INF2: variants seen among roughly 807,000 people sequenced by gnomAD.
INF2 encodes inverted formin 2.
In INF2, 43 loss-of-function variants were observed where a neutral mutation model predicts 123.5. The ratio of observed to expected loss-of-function variants is 0.35; its 90% CI spans 0.27 to 0.45. INF2 has a LOEUF of 0.45. Among genes scored for constraint, INF2 ranks in the 20% least tolerant of loss-of-function variants. The pLI is 1.00. For synonymous variants in INF2, 851 were observed against 745.0 expected (o/e 1.14, Z -2.32); for missense variants, 1,453 against 1,682.7 (o/e 0.86, Z 2.39).
At chr14:104,700,852 A>G in intron 1 of INF2, 1 of 985,290 alleles carries the variant, frequency 1.0e-6, no homozygotes, top group Non-Finnish European at 1.2e-6. Flanking sequence ...TGGGCACCCC[A>G]GGCATGCCTG....
In INF2 at chr14:104,699,435, C is replaced by T; in HGVS notation, c.-9-1922C>T. ...ATGGTGGTGGGAGCAACCCTACTGC[C>T]ACCAGGAGGGGCGTTGGGGACCTGA... is the stretch of plus-strand genomic sequence containing the variant. On this transcript the variant is annotated intron_variant, in intron 1 of 22. Coordinates refer to ENST00000392634, the MANE Select transcript of INF2 (RefSeq NM_022489.4). The surrounding 1 kb of genome is among the most constrained non-coding windows in gnomAD (Gnocchi z 4.7). The T allele has an allele frequency of 1.0e-6, 1 of 985,342 alleles. No homozygotes were observed. The highest frequency in any genetic ancestry group is 1.7e-5 in the African/African-American group (1 of 57,324). The allele number at this position is 985,342 out of a possible 1,614,324, so 61.0% of individuals were successfully genotyped here.
intron 8 of INF2, 123 bp downstream of exon 8, chr14:104,708,125 C>A: frequency 2.0e-6 from 3 of 1,466,290 alleles, no homozygotes; most frequent in Non-Finnish European, 1.8e-6. Flanking sequence ...GCCAGGGCAG[C>A]CTGGCCCTTG....
intron 22 of INF2, among the ~76,000 whole-genome samples, chr14:104,717,412 A>G (rs4983381): frequency 0.88 from 134,573 of 152,166 alleles, 59,766 homozygotes; most frequent in African/African-American, 0.95. Flanking sequence ...TCACGTCCAC[A>G]TGCTTCTAAT....
intron 2 of INF2, among the ~76,000 whole-genome samples, chr14:104,702,420 T>C (rs914818890): frequency 2.0e-5 from 3 of 152,196 alleles, no homozygotes; most frequent in Non-Finnish European, 4.4e-5. Flanking sequence ...CTCCAGGAAG[T>C]CTCCCCAGGC....
chr14:104,697,875 C>G (rs947582490), intron 1 of INF2, among the ~76,000 whole-genome samples: 3 of 151,284 alleles, frequency 2.0e-5, no homozygotes, highest in African/African-American at 7.4e-5. Flanking sequence ...TCCATTGGTG[C>G]TGGTGGACTG....
chr14:104,709,994 C>A, intron 12 of INF2, 94 bp from the exon 13 acceptor site: 1 of 1,124,872 alleles, frequency 8.9e-7, no homozygotes, highest in Non-Finnish European at 1.3e-6. Context: ...CCTCCCTTTG[C>A]CCACCACCCA....
chr14:104,697,331 A>T lies in INF2; in HGVS notation c.-9-4026A>T, dbSNP rs1445354518. 2.0e-5 allele frequency among the ~76,000 whole-genome samples: 3 copies of T among 152,160 alleles called. No individual in the cohort carries two copies. The East Asian group carries it at 5.8e-4, about 29-fold the overall frequency. ...TGGCTCAGGTCCCTCGCGTGCTGGG[A>T]TTCAAGTCTGGGTACCCTAACCCTG... is the stretch of plus-strand genomic sequence containing the variant. On this transcript the variant is annotated intron_variant, in intron 1 of 22. Coordinates refer to ENST00000392634, the MANE Select transcript of INF2 (RefSeq NM_022489.4).
At position 104,713,440 on chromosome 14, in the gene INF2, CTCAG is replaced by C; in HGVS notation, c.2879_2882del. 1 of 1,609,334 alleles carries C rather than the reference CTCAG, an allele frequency of 6.2e-7. No individual in the cohort carries two copies. The highest frequency in any genetic ancestry group is 8.5e-7 in the Non-Finnish European group (1 of 1,178,514). The stretch of plus-strand genomic sequence containing the variant: ...GCCGCTCTCTGAGTGCCCCACGCTC[CTCAG>C]TCAGGAAGGGGCCCGGGAAGCAGGA... On this transcript the variant is annotated splice_acceptor_variant and splice_polypyrimidine_tract_variant and intron_variant, in intron 19 of 22. Coordinates refer to ENST00000392634, the MANE Select transcript of INF2 (RefSeq NM_022489.4). LOFTEE classifies it high-confidence loss of function.
At chr14:104,686,316 G>GATGGGTGGATGAGTGGATTAAGGGTGA (rs1181216744), upstream of INF2, among the ~76,000 whole-genome samples, 6 of 151,016 alleles carry the variant, frequency 4.0e-5, no homozygotes, top group Non-Finnish European at 8.8e-5. Flanking sequence ...TAGGTGGGTG[G>GATGGGTGGATGAGTGGATTAAGGGTGA]ATGGGTGGAT....
In INF2 at chr14:104,713,431, C is replaced by T. The variant is rs752588378; in HGVS notation, c.2879-14C>T. ...GGGTCCCATGCCGCTCTCTGAGTGC[C>T]CCACGCTCCTCAGTCAGGAAGGGGC... On this transcript the variant is annotated splice_polypyrimidine_tract_variant and intron_variant, in intron 19 of 22. Transcript: ENST00000392634. 1.2e-6 allele frequency: 2 copies of T among 1,607,364 alleles called. No individual in the cohort carries two copies. The highest frequency in any genetic ancestry group is 8.5e-7 in the Non-Finnish European group (1 of 1,177,770).
chr14:104,703,261 G>C, intron 3 of INF2, 34 bp from the exon 4 acceptor site: 1 of 1,612,966 alleles, frequency 6.2e-7, no homozygotes, highest in Non-Finnish European at 8.5e-7. Flanking sequence ...GGGGCTCCCT[G>C]CCTGGGTGTG....
Position 104,703,117 on chromosome 14 carries a change from C to T in INF2, c.404C>T (p.Ser135Phe), listed in dbSNP as rs1287139134. ...TCCACCCTGGCAGCCCTGGACACAT[C>T]CAACGTGATGGTGAAGAAGCAGGTG... ...VRQLSQALDT[S>F]NVMVKKQVFE... Residue 135 changes from serine (S) to phenylalanine (F), a missense_variant, in exon 3 of 23, where the codon TCC becomes TTC. By Grantham distance (155) the Ser-to-Phe change is radical. Transcript: ENST00000392634. 1 of 1,613,334 alleles carries T rather than the reference C, an allele frequency of 6.2e-7. No individual in the cohort carries two copies. The highest frequency in any genetic ancestry group is 2.2e-5 in the East Asian group (1 of 44,886).
chr14:104,711,039 G>A (rs1229492161), intron 14 of INF2, 32 bp downstream of exon 14: 4 of 1,610,188 alleles, frequency 2.5e-6, no homozygotes, highest in Middle Eastern at 1.7e-4. Context: ...ATCCCACCTG[G>A]TGCCAGGGGC....
intron 1 of INF2, 110 bp from the exon 2 acceptor site, chr14:104,701,247 A>C (rs964556047): frequency 8.1e-7 from 1 of 1,234,496 alleles, no homozygotes; most frequent in Non-Finnish European, 1.1e-6. Flanking sequence ...CGTGAGCAGG[A>C]ATTGCAGCAG....
intron 18 of INF2, 68 bp downstream of exon 18, chr14:104,713,060 C>A: frequency 6.2e-7 from 1 of 1,608,396 alleles, no homozygotes; most frequent in Non-Finnish European, 8.5e-7. Flanking sequence ...GGCCTTCCTC[C>A]GGCAGGATGG....
At position 104,704,132 on chromosome 14, in the gene INF2, T is replaced by C. The variant is rs1889666337; in HGVS notation, c.701+183T>C. The C allele has an allele frequency of 8.9e-6, 13 of 1,454,526 alleles. No individual in the cohort carries two copies. In the South Asian group the frequency reaches 1.7e-4, roughly 19 times the overall value. The allele number at this position is 1,454,526 out of a possible 1,614,324, so 90.1% of individuals were successfully genotyped here. Reference sequence around the variant, plus strand: ...GGTCTCAGGCTAGAATCCAGCTCACTGTCCCTGGCAGCTGCCCACAGAAAC... The same window carrying C: ...GGTCTCAGGCTAGAATCCAGCTCACCGTCCCTGGCAGCTGCCCACAGAAAC... On this transcript the variant is annotated intron_variant, in intron 5 of 22. Coordinates refer to ENST00000392634, the MANE Select transcript of INF2 (RefSeq NM_022489.4).
chr14:104,710,046 T>TG lies in INF2; in HGVS notation c.2139-36dup, dbSNP rs773219267. 20 of 1,463,398 alleles carry TG rather than the reference T, an allele frequency of 1.4e-5. No homozygotes were observed. In the East Asian group the frequency reaches 4.4e-4, roughly 33 times the overall value. The allele number at this position is 1,463,398 out of a possible 1,614,324, so 90.7% of individuals were successfully genotyped here. ...TGAGTGCCCCTCTGGCAGGGACAGG[T>TG]GGGGGGTGCAGGCCACTGATCCCTG... On this transcript the variant is annotated intron_variant, in intron 12 of 22. Transcript: ENST00000392634.
chr14:104,685,281 A>G (rs1394129515), upstream of INF2, among the ~76,000 whole-genome samples: 4 of 152,132 alleles, frequency 2.6e-5, no homozygotes, highest in African/African-American at 4.8e-5. Flanking sequence ...ACCAGGGATA[A>G]GCCCTGACCA....
rs918089359 is a variant in INF2, at chr14:104,701,583, G to T, written c.218G>T (p.Gly73Val). 1 of 1,607,596 alleles carries T rather than the reference G, an allele frequency of 6.2e-7. No individual in the cohort carries two copies. The highest frequency in any genetic ancestry group is 8.5e-7 in the Non-Finnish European group (1 of 1,178,872). Residue 73 changes from glycine (G) to valine (V), a missense_variant, in exon 2 of 23, where the codon GGC becomes GTC. Physicochemically the swap from Gly to Val is moderately radical, Grantham distance 109. This residue lies in a region of INF2 where 251 missense variants were observed against 349.4 expected (regional missense o/e 0.72). Transcript: ENST00000392634. ...GWMVQFLEQS[G>V]LDLLLEALAR... ...ATGGTGCAGTTCCTGGAGCAGAGCG[G>T]CCTGGACCTGCTGCTGGAGGCGCTG...
Sources: allele counts gnomAD v4.1 joint callset (sites outside exome capture counted in the v4.1 genomes callset), GRCh38; gene constraint gnomAD v4.1.1; regional missense constraint gnomAD v4.1.1; non-coding constraint Gnocchi (gnomAD v3.1); transcripts MANE v1.5; gene names NCBI Gene and HGNC (gene_info 2026-07-23, HGNC 2026-07-21).